FLT3: variants seen among roughly 807,000 people sequenced by gnomAD.
The protein encoded by FLT3 is receptor-type tyrosine-protein kinase FLT3.
In FLT3, 46 loss-of-function variants were observed where a neutral mutation model predicts 126.6. The ratio of observed to expected loss-of-function variants is 0.36; its 90% confidence interval spans 0.29 to 0.46. The LOEUF is 0.46. FLT3 is among the 20% of genes least tolerant of loss of function. The pLI is 1.00. For synonymous variants in FLT3, 404 were observed against 434.4 expected (o/e 0.93, Z 0.87); for missense variants, 1,069 against 1,190.3 (o/e 0.90, Z 1.50).
At chr13:28,022,095 T>C (rs1236457852) in intron 19 of FLT3, among the ~76,000 whole-genome samples, 2 of 152,134 alleles carry the variant, frequency 1.3e-5, no homozygotes, top group East Asian at 3.9e-4. Flanking sequence ...TGGAGTGCAG[T>C]GGTGCGATCC....
In FLT3 at chr13:28,058,207, T is replaced by TA. The variant is rs57780867; in HGVS notation, c.369-746dup. On this transcript the variant is annotated intron_variant, in intron 3 of 23. Coordinates refer to ENST00000241453, the MANE Select transcript of FLT3 (RefSeq NM_004119.3). ...GACCCTACCTCTATTTTTTAAAAAT[T>TA]AAAAAAAAAAAACAAAAAAAAAAAC... Among the ~76,000 whole-genome samples, 711 of 127,684 alleles carry TA rather than the reference T, an allele frequency of 5.6e-3. 14 individuals carry two copies. The highest frequency in any genetic ancestry group is 0.018 in the African/African-American group (635 of 35,026). 83.8% of individuals were successfully genotyped at this position (127,684 alleles called of 152,430 possible).
chr13:28,010,278 T>C (rs1365051729), intron 23 of FLT3, among the ~76,000 whole-genome samples: 1 of 152,112 alleles, frequency 6.6e-6, no homozygotes, highest in East Asian at 1.9e-4. Flanking sequence ...CCCCATGGGG[T>C]GTAAAGATGA....
At chr13:28,033,145 G>A (rs1311699966) in intron 15 of FLT3, among the ~76,000 whole-genome samples, 5 of 139,926 alleles carry the variant, frequency 3.6e-5, no homozygotes, top group Middle Eastern at 7.8e-3. Flanking sequence ...GTGAGACACC[G>A]TATCTACAAA....
intron 3 of FLT3, among the ~76,000 whole-genome samples, chr13:28,060,674 C>T (rs938945524): frequency 2.0e-5 from 3 of 152,042 alleles, no homozygotes; most frequent in Admixed American, 2.0e-4. Flanking sequence ...GGCGTGACAT[C>T]GGCTCACCGA....
At chr13:28,092,915 CTT>C (rs780584936) in intron 1 of FLT3, among the ~76,000 whole-genome samples, 86 of 89,834 alleles carry the variant, frequency 9.6e-4, no homozygotes, top group African/African-American at 1.9e-3. Flanking sequence ...CCAGAGACTA[CTT>C]TTTTTTTTTT....
chr13:28,089,336 G>A (rs1026553394), intron 1 of FLT3, among the ~76,000 whole-genome samples: 6 of 152,182 alleles, frequency 3.9e-5, no homozygotes, highest in African/African-American at 1.2e-4. Context: ...ATCCAGTGCA[G>A]CAATACAATA....
In FLT3 at chr13:28,027,137, C is replaced by G. The variant is rs1872882141; in HGVS notation, c.2158G>C (p.Glu720Gln). Residue 720 changes from glutamate to glutamine, a missense_variant, in exon 17 of 24, where the codon GAA becomes CAA. Physicochemically the swap from Glu to Gln is conservative, Grantham distance 29. Transcript: ENST00000241453. ...GTGGGGTAAAAACTGAAATTGTGTT[C>G]CTTGAAAATCTCTGTCCAAGTCCTG... ...FHRTWTEIFKEHNFSFYPTFQ... is the reference protein window; with the variant it reads ...FHRTWTEIFKQHNFSFYPTFQ... 6.2e-7 allele frequency: 1 copy of G among 1,613,820 alleles called. No individual in the cohort carries two copies. The highest frequency in any genetic ancestry group is 1.1e-5 in the South Asian group (1 of 90,978).
intron 3 of FLT3, among the ~76,000 whole-genome samples, chr13:28,060,978 C>G (rs528495775): frequency 3.4e-4 from 52 of 152,210 alleles, no homozygotes; most frequent in Non-Finnish European, 5.9e-4. Context: ...CATATATGCC[C>G]TTCCCTCCAC....
chr13:28,082,212 A>G (rs1389656023), intron 1 of FLT3, among the ~76,000 whole-genome samples: 1 of 151,592 alleles, frequency 6.6e-6, no homozygotes, highest in African/African-American at 2.4e-5. Flanking sequence ...GTGTAGAGGC[A>G]TTATCATAGC....
intron 15 of FLT3, 133 bp downstream of exon 15, chr13:28,033,754 C>G: frequency 1.4e-6 from 1 of 711,338 alleles, no homozygotes; most frequent in East Asian, 2.5e-5. Context: ...ACACCCCAAT[C>G]CACTCCATTT....
intron 3 of FLT3, among the ~76,000 whole-genome samples, chr13:28,060,576 G>A (rs1477019123): frequency 7.0e-6 from 1 of 141,862 alleles, no homozygotes; most frequent in Non-Finnish European, 1.5e-5. Flanking sequence ...ATGTGTCTGT[G>A]TGTATAGGTT....
intron 2 of FLT3, among the ~76,000 whole-genome samples, chr13:28,063,806 A>G (rs1876781037): frequency 6.6e-6 from 1 of 152,208 alleles, no homozygotes. Flanking sequence ...AGTAAAACAC[A>G]GGAGAAATAC....
At chr13:28,043,281 G>A (rs1874548684) in intron 9 of FLT3, among the ~76,000 whole-genome samples, 1 of 152,058 alleles carries the variant, frequency 6.6e-6, no homozygotes, top group South Asian at 2.1e-4. Flanking sequence ...ACAAACTAAT[G>A]GGTGAAATAT....
intron 1 of FLT3, among the ~76,000 whole-genome samples, chr13:28,082,860 T>G (rs796958018): frequency 1.7e-4 from 26 of 151,936 alleles, no homozygotes; most frequent in African/African-American, 6.0e-4. Flanking sequence ...CCCACCACCA[T>G]GCCCAGCTAC....
intron 2 of FLT3, among the ~76,000 whole-genome samples, chr13:28,066,881 T>C (rs952371414): frequency 3.9e-5 from 6 of 152,124 alleles, no homozygotes; most frequent in Non-Finnish European, 8.8e-5. Context: ...ACTTATTAAT[T>C]ATAAGTGAAG....
At chr13:28,050,257 A>C (rs1415131199) in intron 5 of FLT3, 35 bp from the exon 6 acceptor site, 1 of 1,607,836 alleles carries the variant, frequency 6.2e-7, no homozygotes, top group Admixed American at 1.7e-5. Flanking sequence ...TTGGCTAAAC[A>C]AGTTTTAAAA....
rs879633859 is a variant in FLT3, at chr13:28,082,676, T to TTTTGTTTTGC, written c.44-12065_44-12064insGCAAAACAAA. 0.019 allele frequency among the ~76,000 whole-genome samples: 186 copies of TTTTGTTTTGC among 9,560 alleles called. 4 individuals carry two copies. The East Asian group carries it at 0.21, about 11-fold the overall frequency. 6.3% of individuals were successfully genotyped at this position (9,560 alleles called of 152,430 possible). ...AGCCACGACGCCCAGCTAATTTTTGTTTTGTTTTGTTTTGTTTTGTTTTGT... is the reference window on the plus strand; with the variant it reads ...AGCCACGACGCCCAGCTAATTTTTGTTTTGTTTTGCTTTGTTTTGTTTTGTTTTGTTTTGT... On this transcript the variant is annotated intron_variant, in intron 1 of 23. Coordinates refer to ENST00000241453, the MANE Select transcript of FLT3 (RefSeq NM_004119.3).
Position 28,100,320 on chromosome 13 carries a change from AG to A in FLT3, c.43+147del. ...AGTGGGCGAGTCCGGAGGGCGCGAA[AG>A]AGGGGAGGGGCGCGGGAGGCAATGG... On this transcript the variant is annotated intron_variant, in intron 1 of 23. Transcript: ENST00000241453. The surrounding 1 kb of genome is among the most constrained non-coding windows in gnomAD (Gnocchi z 4.8). The A allele has an allele frequency of 2.1e-6, 1 of 469,122 alleles. No individual in the cohort carries two copies. The highest frequency in any genetic ancestry group is 4.1e-5 in the East Asian group (1 of 24,314). The allele number at this position is 469,122 out of a possible 1,614,324, so 29.1% of individuals were successfully genotyped here.
At chr13:28,083,729 T>G (rs1878475415) in intron 1 of FLT3, among the ~76,000 whole-genome samples, 1 of 151,860 alleles carries the variant, frequency 6.6e-6, no homozygotes, top group Non-Finnish European at 1.5e-5. Flanking sequence ...TGTCTTTTAT[T>G]TTTTTTCTGT....
Sources: allele counts gnomAD v4.1 joint callset (sites outside exome capture counted in the v4.1 genomes callset), GRCh38; gene constraint gnomAD v4.1.1; non-coding constraint Gnocchi (gnomAD v3.1); transcripts MANE v1.5; gene names NCBI Gene and HGNC (gene_info 2026-07-23, HGNC 2026-07-21).